The following IL1RAPL2 variants were observed in gnomAD, a reference collection of about 807,000 sequenced individuals.
IL1RAPL2 encodes the protein X-linked interleukin-1 receptor accessory protein-like 2.
In IL1RAPL2, 3 loss-of-function variants were observed where a neutral mutation model predicts 44.1. The observed-to-expected ratio is 0.07, with a 90% CI of 0.03 to 0.18. The LOEUF (loss-of-function observed/expected upper bound fraction) is 0.18. Among genes scored for constraint, IL1RAPL2 ranks in the 10% least tolerant of loss-of-function variants. The probability of loss-of-function intolerance (pLI) is 1.00; values close to 1 mark genes in which losing one functional copy is unlikely to be tolerated. For missense variants in IL1RAPL2, 391 were observed against 496.4 expected (o/e 0.79, Z 2.02); for synonymous variants, 181 against 178.8 (o/e 1.01, Z -0.10).
intron 2 of IL1RAPL2, among the ~76,000 whole-genome samples, chrX:105,018,962 C>G (rs1209214624): frequency 9.0e-6 from 1 of 111,543 alleles, no homozygotes; most frequent in Non-Finnish European, 1.9e-5. Context: ...TGGAGCCTCT[C>G]AGAGTGAGAT....
chrX:105,280,432 A>T lies in IL1RAPL2; in HGVS notation c.697+12891A>T, dbSNP rs187733753. 4.8e-3 allele frequency among the ~76,000 whole-genome samples: 541 copies of T among 112,007 alleles called. 6 individuals are homozygous for T. Among genetic ancestry groups the T allele is most frequent in the African/African-American group, 0.017 (514 of 30,825 alleles). ...ACAAAAGCCAAAATAGACAAATGGA[A>T]TCTAATTAAACTAAAGAGCTTCTGC... On this transcript the variant is annotated intron_variant, in intron 5 of 10. Coordinates refer to ENST00000372582, the MANE Select transcript of IL1RAPL2 (RefSeq NM_017416.2).
intron 2 of IL1RAPL2, among the ~76,000 whole-genome samples, chrX:104,769,217 C>T (rs1304152259): frequency 8.9e-6 from 1 of 111,748 alleles, no homozygotes; most frequent in Admixed American, 9.5e-5. Flanking sequence ...CTCAACATAG[C>T]GTCTTGTACA....
intron 6 of IL1RAPL2, among the ~76,000 whole-genome samples, chrX:105,700,758 C>T (rs2038113326): frequency 9.0e-6 from 1 of 111,490 alleles, no homozygotes; most frequent in South Asian, 3.7e-4. Flanking sequence ...TTTTACTACC[C>T]CTTTATTTCA....
chrX:104,823,565 T>G (rs1183853202), intron 2 of IL1RAPL2, among the ~76,000 whole-genome samples: 1 of 107,882 alleles, frequency 9.3e-6, no homozygotes, highest in Non-Finnish European at 1.9e-5. Flanking sequence ...AACATACGTG[T>G]GCATGTGTCT....
At chrX:105,467,982 TTC>T (rs2036142095) in intron 5 of IL1RAPL2, among the ~76,000 whole-genome samples, 1 of 112,016 alleles carries the variant, frequency 8.9e-6, no homozygotes, top group Non-Finnish European at 1.9e-5. Flanking sequence ...TCAACTAGCC[TTC>T]TAGGTAATTC....
chrX:104,907,674 G>C (rs1412755010), intron 2 of IL1RAPL2, among the ~76,000 whole-genome samples: 1 of 110,828 alleles, frequency 9.0e-6, no homozygotes, highest in African/African-American at 3.3e-5. Context: ...GAGATAGTTT[G>C]TTATAATTTC....
intron 5 of IL1RAPL2, among the ~76,000 whole-genome samples, chrX:105,348,231 G>C (rs768225935): frequency 9.0e-6 from 1 of 111,609 alleles, no homozygotes; most frequent in Non-Finnish European, 1.9e-5. Context: ...CACCCCTAGT[G>C]CTAGGTCACT....
At chrX:105,032,797 C>T (rs1222692512) in intron 2 of IL1RAPL2, among the ~76,000 whole-genome samples, 3 of 111,057 alleles carry the variant, frequency 2.7e-5, no homozygotes, top group Admixed American at 1.9e-4. Flanking sequence ...CTTTCTGTCT[C>T]GTTGATCTGT....
At chrX:104,727,056 A>T (rs1038026018) in intron 2 of IL1RAPL2, among the ~76,000 whole-genome samples, 3 of 111,262 alleles carry the variant, frequency 2.7e-5, no homozygotes, top group Non-Finnish European at 5.7e-5. Flanking sequence ...AAAATAATTC[A>T]TGACTAAGAC....
At chrX:105,234,644 A>C in intron 4 of IL1RAPL2, among the ~76,000 whole-genome samples, 1 of 109,786 alleles carries the variant, frequency 9.1e-6, no homozygotes, top group Middle Eastern at 4.7e-3. Context: ...CCTCATCTCT[A>C]CTAAAATATA....
chrX:105,403,843 G>A (rs1289990078), intron 5 of IL1RAPL2, among the ~76,000 whole-genome samples: 2 of 111,147 alleles, frequency 1.8e-5, no homozygotes, highest in African/African-American at 3.3e-5. Context: ...ACCTCCAAAC[G>A]GCCATTAAAT....
At chrX:105,586,888 C>T (rs909759085) in intron 6 of IL1RAPL2, among the ~76,000 whole-genome samples, 3 of 112,176 alleles carry the variant, frequency 2.7e-5, no homozygotes, top group Non-Finnish European at 3.8e-5. Flanking sequence ...ATGCCTTGGC[C>T]TCCTCAAATT....
chrX:105,717,250 A>T, intron 6 of IL1RAPL2, 117 bp from the exon 7 acceptor site: 1 of 589,564 alleles, frequency 1.7e-6, no homozygotes. Flanking sequence ...AGATGACTAG[A>T]AAAAGAGTTG....
At chrX:105,655,193 C>T (rs1479258763) in intron 6 of IL1RAPL2, among the ~76,000 whole-genome samples, 1 of 111,967 alleles carries the variant, frequency 8.9e-6, no homozygotes, top group Non-Finnish European at 1.9e-5. Context: ...AAAAAGTGTC[C>T]AAGTATCACT....
At chrX:104,933,820 T>C (rs1924964138) in intron 2 of IL1RAPL2, among the ~76,000 whole-genome samples, 2 of 111,538 alleles carry the variant, frequency 1.8e-5, no homozygotes, top group Admixed American at 1.9e-4. Flanking sequence ...AGGGGATTTA[T>C]CTAAAACCCA....
chrX:105,076,426 G>C (rs1461323137), intron 2 of IL1RAPL2, among the ~76,000 whole-genome samples: 1 of 111,544 alleles, frequency 9.0e-6, no homozygotes. Flanking sequence ...TATAATTTCT[G>C]TTCTTTTACA....
At chrX:104,737,391 G>A (rs975596453) in intron 2 of IL1RAPL2, among the ~76,000 whole-genome samples, 9 of 112,202 alleles carry the variant, frequency 8.0e-5, no homozygotes, top group Non-Finnish European at 1.7e-4. Context: ...TTATTCATGC[G>A]TATAGGTTCT....
intron 5 of IL1RAPL2, among the ~76,000 whole-genome samples, chrX:105,278,688 C>T (rs1313025549): frequency 8.9e-6 from 1 of 111,873 alleles, no homozygotes; most frequent in Non-Finnish European, 1.9e-5. Context: ...GTGATTATTT[C>T]CTATATTTTA....
chrX:104,882,161 G>C (rs756549916), intron 2 of IL1RAPL2, among the ~76,000 whole-genome samples: 23 of 111,762 alleles, frequency 2.1e-4, no homozygotes, highest in Non-Finnish European at 3.6e-4. Context: ...GAAATGTGCA[G>C]ATATGATATA....
Sources: gnomAD v4.1 joint callset for allele counts (sites outside exome capture counted in the v4.1 genomes callset) on GRCh38, gnomAD v4.1.1 for gene constraint, MANE v1.5 for transcripts, NCBI Gene and HGNC (gene_info 2026-07-23, HGNC 2026-07-21) for gene names.